The following ACTR3C variants were observed in gnomAD, a reference collection of about 807,000 sequenced individuals.
ACTR3C encodes the protein actin-related protein 3C.
In ACTR3C, 18 loss-of-function variants were observed where a neutral mutation model predicts 26.3. The ratio of observed to expected loss-of-function variants is 0.68; its 90% CI spans 0.47 to 1.01. The LOEUF (loss-of-function observed/expected upper bound fraction) is 1.01. Ranked by LOEUF, ACTR3C falls within the 50% of genes least tolerant of loss-of-function variation. The probability of loss-of-function intolerance (pLI) is 0.00; values close to 1 mark genes in which losing one functional copy is unlikely to be tolerated. For missense variants in ACTR3C, 184 were observed against 250.7 expected (o/e 0.73, Z 1.80); for synonymous variants, 55 against 94.5 (o/e 0.58, Z 2.42).
At chr7:150,106,207 G>T in the ACTR3C span, among the ~76,000 whole-genome samples, 4 of 150,912 alleles carry the variant, frequency 2.7e-5, no homozygotes, top group Non-Finnish European at 5.9e-5. Flanking sequence ...AGGGCACAAA[G>T]GTTATCACAG....
chr7:150,135,228 C>T, the ACTR3C span, among the ~76,000 whole-genome samples: 1 of 152,178 alleles, frequency 6.6e-6, no homozygotes. Flanking sequence ...GCTGAGATCG[C>T]GCCACTGCGC....
the ACTR3C span, among the ~76,000 whole-genome samples, chr7:150,215,095 A>G: frequency 8.5e-4 from 128 of 150,882 alleles, no homozygotes; most frequent in African/African-American, 2.9e-3. Flanking sequence ...AAGGAAAATG[A>G]CAGACATACA....
the ACTR3C span, among the ~76,000 whole-genome samples, chr7:150,155,303 A>C: frequency 2.6e-4 from 39 of 152,036 alleles, no homozygotes; most frequent in Non-Finnish European, 5.4e-4. Context: ...CTCTGATCTC[A>C]ACTGCCACTT....
chr7:150,032,416 C>T, the ACTR3C span, among the ~76,000 whole-genome samples: 1,273 of 152,310 alleles, frequency 8.4e-3, 18 homozygotes, highest in African/African-American at 0.029. Flanking sequence ...GTCTGTGCAA[C>T]GTGCTTGCGG....
chr7:150,037,144 T>C, the ACTR3C span, among the ~76,000 whole-genome samples: 928 of 8,904 alleles, frequency 0.1, 97 homozygotes, highest in East Asian at 0.2. Flanking sequence ...CCCTGCCTCG[T>C]GGGGGGTGCC....
chr7:150,292,776 C>T (rs1486083677), intron 3 of ACTR3C, among the ~76,000 whole-genome samples: 1 of 152,166 alleles, frequency 6.6e-6, no homozygotes, highest in Non-Finnish European at 1.5e-5. Context: ...GGATTACAGG[C>T]GTGAGCCACC....
At chr7:150,080,628 G>A in the ACTR3C span, among the ~76,000 whole-genome samples, 3 of 151,712 alleles carry the variant, frequency 2.0e-5, no homozygotes, top group Admixed American at 6.6e-5. Flanking sequence ...CCAGAGTCTG[G>A]TCAGCAAGAG....
At chr7:149,993,082 T>C in the ACTR3C span, among the ~76,000 whole-genome samples, 1 of 150,586 alleles carries the variant, frequency 6.6e-6, no homozygotes, top group Non-Finnish European at 1.5e-5. Context: ...TTATCTTACC[T>C]TCTTCTGCCT....
the ACTR3C span, among the ~76,000 whole-genome samples, chr7:150,211,136 C>T: frequency 6.7e-6 from 1 of 148,604 alleles, no homozygotes; most frequent in Non-Finnish European, 1.5e-5. Flanking sequence ...AAAGGACTTG[C>T]TGGAGGTCAT....
chr7:150,080,480 CT>C, the ACTR3C span, among the ~76,000 whole-genome samples: 2 of 151,498 alleles, frequency 1.3e-5, no homozygotes, highest in African/African-American at 4.9e-5. Flanking sequence ...AAAACTACAT[CT>C]TGACATCTTA....
At chr7:150,291,220 C>T (rs1259427570) in intron 3 of ACTR3C, among the ~76,000 whole-genome samples, 5 of 152,156 alleles carry the variant, frequency 3.3e-5, no homozygotes, top group East Asian at 3.9e-4. Flanking sequence ...CACCTGAAGT[C>T]GGCAGTTCGA....
At chr7:150,052,011 C>G in the ACTR3C span, among the ~76,000 whole-genome samples, 1 of 152,212 alleles carries the variant, frequency 6.6e-6, no homozygotes, top group African/African-American at 2.4e-5. Context: ...ATATTTAAGA[C>G]TGTTTTTTCT....
At chr7:150,123,614 A>ACAC in the ACTR3C span, among the ~76,000 whole-genome samples, 2,606 of 85,568 alleles carry the variant, frequency 0.03, 78 homozygotes, top group African/African-American at 0.087. Flanking sequence ...CACACACACA[A>ACAC]ACACACACCC....
the ACTR3C span, among the ~76,000 whole-genome samples, chr7:150,039,394 G>C: frequency 5.6e-5 from 4 of 71,480 alleles, no homozygotes; most frequent in East Asian, 4.5e-4. Flanking sequence ...AAGAACCCGG[G>C]GGGGAAGAGG....
the ACTR3C span, among the ~76,000 whole-genome samples, chr7:149,995,467 C>G: frequency 6.6e-6 from 1 of 152,218 alleles, no homozygotes. Context: ...TTACTGAGCT[C>G]CAGGCTCTAG....
the ACTR3C span, among the ~76,000 whole-genome samples, chr7:150,037,902 T>A: frequency 7.6e-6 from 1 of 132,192 alleles, no homozygotes; most frequent in Non-Finnish European, 1.7e-5. Context: ...AGGGGCTCGC[T>A]CTCAGTCCCC....
the ACTR3C span, among the ~76,000 whole-genome samples, chr7:150,017,908 T>A: frequency 1.3e-5 from 2 of 150,236 alleles, no homozygotes; most frequent in Admixed American, 1.3e-4. Context: ...GTACGCAGTA[T>A]TTAACTTTTC....
At chr7:149,930,513 T>C in the ACTR3C span, among the ~76,000 whole-genome samples, 1 of 152,354 alleles carries the variant, frequency 6.6e-6, no homozygotes, top group East Asian at 1.9e-4. Flanking sequence ...AGCTGTTCTC[T>C]TCCAGCTTAA....
At chr7:150,036,167 C>A in the ACTR3C span, among the ~76,000 whole-genome samples, 85 of 137,368 alleles carry the variant, frequency 6.2e-4, no homozygotes, top group African/African-American at 2.2e-3. Flanking sequence ...TGCCTCCCCC[C>A]CCGCGATGGG....
Sources: allele counts gnomAD v4.1 joint callset (sites outside exome capture counted in the v4.1 genomes callset), GRCh38; gene constraint gnomAD v4.1.1; transcripts MANE v1.5; gene names NCBI Gene and HGNC (gene_info 2026-07-23, HGNC 2026-07-21).